CENPF: variants seen among roughly 807,000 people sequenced by gnomAD.
CENPF encodes AH antigen.
In CENPF, 214 loss-of-function variants were observed where a neutral mutation model predicts 307.3. The ratio of observed to expected loss-of-function variants is 0.70; its 90% CI spans 0.62 to 0.78. CENPF has a LOEUF of 0.78. Ranked by LOEUF, CENPF falls within the 30% of genes least tolerant of loss-of-function variation. The probability of loss-of-function intolerance (pLI) is 0.00; values close to 1 mark genes in which losing one functional copy is unlikely to be tolerated. For synonymous variants in CENPF, 1,259 were observed against 1,270.6 expected, an observed-to-expected ratio of 0.99 and a Z score of 0.19; for missense variants, 3,401 against 3,483.9, an observed-to-expected ratio of 0.98 and a Z score of 0.60.
chr1:214,635,364 C>T (rs1028052693), intron 10 of CENPF, among the ~76,000 whole-genome samples: 23 of 152,146 alleles, frequency 1.5e-4, no homozygotes, highest in Non-Finnish European at 2.1e-4. Context: ...GCTCCTAAAG[C>T]GAAGTTGATC....
intron 13 of CENPF, 117 bp from the exon 14 acceptor site, chr1:214,648,558 G>C: frequency 8.7e-7 from 1 of 1,150,330 alleles, no homozygotes; most frequent in African/African-American, 1.5e-5. Flanking sequence ...GGATTAGCCA[G>C]CTTCCATTTT....
intron 14 of CENPF, among the ~76,000 whole-genome samples, chr1:214,649,997 C>T (rs1658419077): frequency 6.6e-6 from 1 of 152,168 alleles, no homozygotes; most frequent in Non-Finnish European, 1.5e-5. Context: ...CATAATAAAT[C>T]ATGAAATAGG....
At chr1:214,660,127 A>G (rs75714716) in intron 19 of CENPF, among the ~76,000 whole-genome samples, 2,918 of 152,314 alleles carry the variant, frequency 0.019, 80 homozygotes, top group African/African-American at 0.067. Flanking sequence ...CTTGATCTAA[A>G]CATCACAACA....
At chr1:214,630,809 C>A in intron 9 of CENPF, 147 bp downstream of exon 9, 2 of 1,040,914 alleles carry the variant, frequency 1.9e-6, no homozygotes, top group Non-Finnish European at 2.7e-6. Context: ...ATGTACAGAA[C>A]CATTCTGGCT....
chr1:214,608,849 C>A, intron 1 of CENPF: 1 of 1,554,132 alleles, frequency 6.4e-7, no homozygotes, highest in Non-Finnish European at 8.6e-7. Flanking sequence ...ATGGCGGGCG[C>A]CGCCCGGGCC....
chr1:214,632,416 A>T, intron 9 of CENPF, 64 bp from the exon 10 acceptor site: 1 of 1,554,312 alleles, frequency 6.4e-7, no homozygotes, highest in South Asian at 1.2e-5. Flanking sequence ...TTGTTTAAGA[A>T]TACATGATTA....
In CENPF at chr1:214,663,994, C is replaced by T. The variant is rs1410532936; in HGVS notation, c.*200C>T. ...TTTGGAAGCACTGATCACCTGTTAG[C>T]ATTGCCATTCCTCTACTGCAATGTA... On this transcript the variant is annotated 3_prime_UTR_variant, in exon 20 of 20. Transcript: ENST00000366955. 5 of 559,354 alleles carry T rather than the reference C, an allele frequency of 8.9e-6. No individual in the cohort carries two copies. The highest frequency in any genetic ancestry group is 1.6e-5 in the Non-Finnish European group (5 of 316,538). The allele number at this position is 559,354 out of a possible 1,614,324, so 34.6% of individuals were successfully genotyped here.
rs1657522919 is a variant in CENPF at position 214,622,142 on chromosome 1, G to A, written c.929G>A (p.Gly310Asp). The change falls in exon 7 of 20, where the codon GGC (glycine) becomes GAC (aspartate). Residue 310 changes from glycine (G) to aspartate (D), a missense_variant. Physicochemically the swap from Gly to Asp is moderately conservative, Grantham distance 94. Transcript: ENST00000366955. ...CAAGGACATGAAAAAGAAATGAAAG[G>A]CCAAGTGAATAAGTTTCAAGAACTC... ...RLQGHEKEMK[G>D]QVNKFQELQL... The A allele has an allele frequency of 6.2e-7, 1 of 1,613,984 alleles. No individual in the cohort carries two copies. The highest frequency in any genetic ancestry group is 8.5e-7 in the Non-Finnish European group (1 of 1,179,960).
At position 214,604,844 on chromosome 1, in the gene CENPF, T is replaced by C. The variant is rs57724518; in HGVS notation, c.-42+1523T>C. 8.4e-4 allele frequency among the ~76,000 whole-genome samples: 128 copies of C among 152,016 alleles called. No homozygotes were observed. The East Asian group carries it at 0.016, about 19-fold the overall frequency. On this transcript the variant is annotated intron_variant, in intron 1 of 19. Transcript: ENST00000366955. ...ATGCTGTGTTCCAAGAACTGAGAGCTAGAAAAAAAAACAAAACTGGTAGCA... is the reference window on the plus strand; with the variant it reads ...ATGCTGTGTTCCAAGAACTGAGAGCCAGAAAAAAAAACAAAACTGGTAGCA...
At position 214,640,969 on chromosome 1, in the gene CENPF, T is replaced by C; in HGVS notation, c.2631T>C (p.Phe877=). The change falls in exon 12 of 20, where the codon TTT becomes TTC. Residue 877 remains phenylalanine (F), a synonymous_variant. Coordinates refer to ENST00000366955, the MANE Select transcript of CENPF (RefSeq NM_016343.4). ...AAGCAGAACAGATGCATCAAAGTTT[T>C]GTGGCTGAAACAAGTCAGCGCATTA... ...LMKAEQMHQS[F]VAETSQRISK... is the part of the protein sequence containing the mutation. 1.2e-6 allele frequency: 2 copies of C among 1,601,130 alleles called. No individual in the cohort carries two copies. The highest frequency in any genetic ancestry group is 2.7e-5 in the African/African-American group (2 of 74,070).
intron 14 of CENPF, among the ~76,000 whole-genome samples, chr1:214,649,535 T>C (rs1203412282): frequency 6.6e-6 from 1 of 152,228 alleles, no homozygotes; most frequent in Non-Finnish European, 1.5e-5. Flanking sequence ...ATTGCGACCC[T>C]GAATAATCAC....
At chr1:214,639,887 C>T in intron 11 of CENPF, 34 bp from the exon 12 acceptor site, 1 of 1,426,946 alleles carries the variant, frequency 7.0e-7, no homozygotes, top group South Asian at 1.6e-5. Context: ...ACATTTATTA[C>T]AAACATTGAC....
chr1:214,614,774 A>G, intron 2 of CENPF, 58 bp from the exon 3 acceptor site: 1 of 1,194,972 alleles, frequency 8.4e-7, no homozygotes, highest in Non-Finnish European at 1.2e-6. Flanking sequence ...GTTTACCAAT[A>G]ATACTTGGTA....
Position 214,620,714 on chromosome 1 carries a change from G to A in CENPF, c.633G>A (p.Gln211=), listed in dbSNP as rs771356533. The A allele has an allele frequency of 3.7e-6, 6 of 1,614,144 alleles. No homozygotes were observed. Among genetic ancestry groups the A allele is most frequent in the Non-Finnish European group, 5.1e-6 (6 of 1,180,024 alleles). ...TMNHRDIARH[Q]ASSSVFSWQQ... ...ATCACCGCGACATTGCCCGGCATCA[G>A]GCTTCATCATCTGTGTTCTCATGGC... The change falls in exon 6 of 20, where the codon CAG becomes CAA. Residue 211 remains glutamine, a synonymous_variant. Coordinates refer to ENST00000366955, the MANE Select transcript of CENPF (RefSeq NM_016343.4).
At chr1:214,607,425 A>G (rs1237070689) in intron 1 of CENPF, among the ~76,000 whole-genome samples, 1 of 152,160 alleles carries the variant, frequency 6.6e-6, no homozygotes, top group Admixed American at 6.5e-5. Flanking sequence ...AGTCGCATGA[A>G]GTGGTTGGTG....
Position 214,655,320 on chromosome 1 carries a change from C to A in CENPF, c.8402C>A (p.Ser2801Tyr), listed in dbSNP as rs1658602264. The part of the protein sequence containing the change: ...AQGKMKLLIK[S>Y]CKQLEEEKEI... Reference sequence around the variant, plus strand: ...GGGAAAATGAAGTTGTTGATCAAATCCTGTAAACAGCTGGAAGAGGAAAAG... The same window carrying A: ...GGGAAAATGAAGTTGTTGATCAAATACTGTAAACAGCTGGAAGAGGAAAAG... Residue 2801 changes from serine (S) to tyrosine (Y), a missense_variant, in exon 17 of 20, where the codon TCC becomes TAC. Ser to Tyr is a moderately radical substitution (Grantham distance 144). Coordinates refer to ENST00000366955, the MANE Select transcript of CENPF (RefSeq NM_016343.4). 1.2e-6 allele frequency: 2 copies of A among 1,609,662 alleles called. No homozygotes were observed. Among genetic ancestry groups the A allele is most frequent in the Non-Finnish European group, 8.5e-7 (1 of 1,177,662 alleles).
intron 3 of CENPF, among the ~76,000 whole-genome samples, chr1:214,615,458 C>T (rs974627297): frequency 2.0e-5 from 3 of 151,728 alleles, no homozygotes; most frequent in South Asian, 2.1e-4. Flanking sequence ...CAGCTGTTAC[C>T]GAAAAGATGG....
intron 17 of CENPF, 106 bp from the exon 18 acceptor site, chr1:214,656,827 A>G: frequency 2.5e-6 from 2 of 813,150 alleles, no homozygotes; most frequent in Non-Finnish European, 3.9e-6. Flanking sequence ...CCTCTTAAAA[A>G]AAAAAATCAA....
At chr1:214,662,978 T>A (rs1658825674) in intron 19 of CENPF, among the ~76,000 whole-genome samples, 1 of 152,144 alleles carries the variant, frequency 6.6e-6, no homozygotes. Flanking sequence ...CCAGTTACCT[T>A]ACTCTCTCAT....
Sources: allele counts gnomAD v4.1 joint callset (sites outside exome capture counted in the v4.1 genomes callset), GRCh38; gene constraint gnomAD v4.1.1; transcripts MANE v1.5; gene names NCBI Gene and HGNC (gene_info 2026-07-23, HGNC 2026-07-21).